The following ZNF385D variants were observed in gnomAD, a reference collection of about 807,000 sequenced individuals.
The protein encoded by ZNF385D is zinc finger protein 659.
A neutral mutation model predicts 35.8 loss-of-function variants in ZNF385D; 15 were observed. That is an observed-to-expected ratio of 0.42 (90% CI 0.28 to 0.64). ZNF385D has a LOEUF of 0.64. Ranked by LOEUF, ZNF385D falls within the 30% of genes least tolerant of loss-of-function variation. The probability of loss-of-function intolerance (pLI) is 0.23; values close to 1 mark genes in which losing one functional copy is unlikely to be tolerated. For synonymous variants in ZNF385D, 212 were observed against 186.8 expected (o/e 1.13, Z -1.10); for missense variants, 474 against 494.6 (o/e 0.96, Z 0.39).
chr3:21,747,018 A>G (rs922734789), intron 1 of ZNF385D, among the ~76,000 whole-genome samples: 1 of 150,012 alleles, frequency 6.7e-6, no homozygotes, highest in East Asian at 2.0e-4. Flanking sequence ...GTTCTGTCCT[A>G]GAATTTTCCT....
At chr3:21,933,947 C>A (rs1166699222) in intron 3 of ZNF385D, among the ~76,000 whole-genome samples, 1 of 151,750 alleles carries the variant, frequency 6.6e-6, no homozygotes, top group Non-Finnish European at 1.5e-5. Context: ...GCAAAGTTGC[C>A]TGGTGCATTG....
At chr3:21,607,510 A>G (rs1303178437) in intron 2 of ZNF385D, among the ~76,000 whole-genome samples, 1 of 152,162 alleles carries the variant, frequency 6.6e-6, no homozygotes, top group East Asian at 1.9e-4. Flanking sequence ...ATCCACAGAG[A>G]ATAATTATAT....
At chr3:22,076,077 T>A (rs925228078) in intron 3 of ZNF385D, among the ~76,000 whole-genome samples, 4 of 151,908 alleles carry the variant, frequency 2.6e-5, no homozygotes, top group Non-Finnish European at 5.9e-5. Flanking sequence ...TGTAATTTTT[T>A]TTACGTAGAC....
chr3:22,156,820 G>C (rs1053809915), intron 3 of ZNF385D, among the ~76,000 whole-genome samples: 1 of 152,074 alleles, frequency 6.6e-6, no homozygotes, highest in African/African-American at 2.4e-5. Context: ...AGTACCCAAG[G>C]TGATTCTGAA....
intron 4 of ZNF385D, among the ~76,000 whole-genome samples, chr3:21,477,265 AAAAC>A (rs1440589148): frequency 5.9e-5 from 9 of 152,012 alleles, no homozygotes; most frequent in East Asian, 5.8e-4. Context: ...CAAAACAAAC[AAAAC>A]AAACAAAAAC....
At chr3:22,261,189 C>A (rs1700610991) in intron 2 of ZNF385D, among the ~76,000 whole-genome samples, 3 of 151,942 alleles carry the variant, frequency 2.0e-5, no homozygotes, top group African/African-American at 7.2e-5. Flanking sequence ...TTCATCCATA[C>A]CCCACCAACA....
intron 3 of ZNF385D, among the ~76,000 whole-genome samples, chr3:22,030,287 A>ATATATATATGTATG (rs1697898465): frequency 1.0e-5 from 1 of 97,436 alleles, no homozygotes. Context: ...ATATATATAT[A>ATATATATATGTATG]TATATATATA....
In ZNF385D at chr3:21,926,247, C is replaced by G. The variant is rs144115610; in HGVS notation, c.325+242570G>C. 5.3e-4 allele frequency among the ~76,000 whole-genome samples: 81 copies of G among 152,142 alleles called. 1 individual carries two copies. The highest frequency in any genetic ancestry group is 1.0e-3 in the South Asian group (5 of 4,820). On this transcript the variant is annotated intron_variant, in intron 3 of 5. Coordinates refer to the ZNF385D transcript ENST00000494108. ...TTTGCTGCTCCCATAAACCTGTCAT[C>G]TTCATTAGGTATTTCTCCTAATGCT...
intron 5 of ZNF385D, among the ~76,000 whole-genome samples, chr3:21,436,490 C>G (rs1303639946): frequency 6.6e-6 from 1 of 152,016 alleles, no homozygotes; most frequent in Non-Finnish European, 1.5e-5. Context: ...ATAATAAACA[C>G]TTTTTTAATT....
intron 3 of ZNF385D, among the ~76,000 whole-genome samples, chr3:21,880,447 C>T (rs945809859): frequency 2.0e-5 from 3 of 151,896 alleles, no homozygotes; most frequent in Non-Finnish European, 4.4e-5. Context: ...CTTAATGTTA[C>T]TATTGTAATG....
chr3:21,727,457 G>C (rs1004295836), intron 1 of ZNF385D, among the ~76,000 whole-genome samples: 23 of 152,054 alleles, frequency 1.5e-4, no homozygotes, highest in Non-Finnish European at 2.8e-4. Context: ...AATCTACAAA[G>C]AACTTAAACA....
intron 2 of ZNF385D, among the ~76,000 whole-genome samples, chr3:21,656,462 T>C (rs1313571279): frequency 4.6e-5 from 7 of 151,908 alleles, no homozygotes; most frequent in African/African-American, 1.7e-4. Flanking sequence ...TCACTTTATT[T>C]TCCTTCAATG....
intron 2 of ZNF385D, among the ~76,000 whole-genome samples, chr3:22,333,581 A>C (rs1695033983): frequency 6.6e-6 from 1 of 151,648 alleles, no homozygotes; most frequent in South Asian, 2.1e-4. Flanking sequence ...GAGAGTTTTC[A>C]TTTATTTTTT....
At chr3:22,327,726 T>C (rs1575126511) in intron 2 of ZNF385D, among the ~76,000 whole-genome samples, 1 of 152,268 alleles carries the variant, frequency 6.6e-6, no homozygotes, top group Non-Finnish European at 1.5e-5. Context: ...GTGATGTGTA[T>C]TTAAACGGAG....
At chr3:22,111,476 G>T (rs781603667) in intron 3 of ZNF385D, among the ~76,000 whole-genome samples, 2 of 151,984 alleles carry the variant, frequency 1.3e-5, no homozygotes, top group African/African-American at 4.8e-5. Context: ...ATGGTGACGC[G>T]ATCATCAAAT....
chr3:22,129,808 G>A (rs941665486), intron 3 of ZNF385D, among the ~76,000 whole-genome samples: 3 of 152,088 alleles, frequency 2.0e-5, no homozygotes, highest in Non-Finnish European at 4.4e-5. Context: ...GAGTCTGAGT[G>A]GTGCTTTATT....
chr3:21,559,172 G>A (rs1255244291), intron 3 of ZNF385D, among the ~76,000 whole-genome samples: 2 of 151,944 alleles, frequency 1.3e-5, no homozygotes, highest in African/African-American at 2.4e-5. Context: ...TTACATTTAA[G>A]GTTAATATTG....
chr3:21,607,296 T>G (rs2064511784), intron 2 of ZNF385D, among the ~76,000 whole-genome samples: 1 of 152,212 alleles, frequency 6.6e-6, no homozygotes, highest in South Asian at 2.1e-4. Flanking sequence ...CTTAACGTCA[T>G]CCTCCAATAA....
At chr3:22,178,064 T>C (rs1322447769) in intron 2 of ZNF385D, among the ~76,000 whole-genome samples, 3 of 152,218 alleles carry the variant, frequency 2.0e-5, no homozygotes, top group Non-Finnish European at 4.4e-5. Context: ...TGTGTCTTTA[T>C]AGCAGCATGA....
Sources: gnomAD v4.1 joint callset for allele counts (sites outside exome capture counted in the v4.1 genomes callset) on GRCh38, gnomAD v4.1.1 for gene constraint, MANE v1.5 for transcripts, NCBI Gene and HGNC (gene_info 2026-07-23, HGNC 2026-07-21) for gene names.